Variants in CTNNA3 observed in about 807,000 individuals in gnomAD.
CTNNA3 encodes catenin alpha 3.
Under a neutral mutation model 95.7 loss-of-function variants are expected in CTNNA3, and 76 were observed. The ratio of observed to expected loss-of-function variants is 0.79; its 90% confidence interval spans 0.66 to 0.96. The LOEUF is 0.96. Ranked by LOEUF, CTNNA3 falls within the 40% of genes least tolerant of loss-of-function variation. The probability of loss-of-function intolerance (pLI) is 0.00; values close to 1 mark genes in which losing one functional copy is unlikely to be tolerated. For synonymous variants in CTNNA3, 431 were observed against 374.4 expected, an observed-to-expected ratio of 1.15 and a Z score of -1.74; for missense variants, 1,191 against 1,089.8, an observed-to-expected ratio of 1.09 and a Z score of -1.31.
At chr10:66,191,983 C>A (rs2086696138) in intron 13 of CTNNA3, among the ~76,000 whole-genome samples, 1 of 152,154 alleles carries the variant, frequency 6.6e-6, no homozygotes, top group Admixed American at 6.6e-5. Flanking sequence ...CCCTGGCCAT[C>A]CACTCTGTTG....
At chr10:67,032,433 G>A (rs1853787421) in intron 7 of CTNNA3, among the ~76,000 whole-genome samples, 2 of 152,044 alleles carry the variant, frequency 1.3e-5, no homozygotes, top group Admixed American at 6.6e-5. Flanking sequence ...CAAAGTATGA[G>A]TTTGTTTTAC....
intron 3 of CTNNA3, among the ~76,000 whole-genome samples, chr10:67,567,010 G>A (rs537797231): frequency 1.8e-4 from 23 of 124,762 alleles, no homozygotes; most frequent in African/African-American, 6.4e-4. Flanking sequence ...ATCACACTCT[G>A]GGGACTGTTT....
chr10:66,557,414 T>C (rs1842424599), intron 10 of CTNNA3, among the ~76,000 whole-genome samples: 1 of 152,164 alleles, frequency 6.6e-6, no homozygotes, highest in South Asian at 2.1e-4. Context: ...AACTATTCCA[T>C]ACATGCTCTG....
intron 11 of CTNNA3, among the ~76,000 whole-genome samples, chr10:66,515,301 C>CTATCTATA (rs1006367792): frequency 6.7e-6 from 1 of 148,932 alleles, no homozygotes; most frequent in Non-Finnish European, 1.5e-5. Context: ...ATCTATCTAT[C>CTATCTATA]TATATGGAAA....
At chr10:67,202,955 A>C (rs777303194) in intron 6 of CTNNA3, among the ~76,000 whole-genome samples, 13 of 152,172 alleles carry the variant, frequency 8.5e-5, no homozygotes, top group Non-Finnish European at 1.5e-4. Flanking sequence ...GAAATAATTA[A>C]TTGCTTATTT....
intron 6 of CTNNA3, among the ~76,000 whole-genome samples, chr10:67,192,195 C>T (rs1375477234): frequency 1.3e-5 from 2 of 151,838 alleles, no homozygotes; most frequent in Non-Finnish European, 2.9e-5. Flanking sequence ...TTAGATGACA[C>T]CAAAAGCACA....
chr10:66,490,756 T>C (rs1839895306), intron 11 of CTNNA3, among the ~76,000 whole-genome samples: 1 of 152,170 alleles, frequency 6.6e-6, no homozygotes, highest in Non-Finnish European at 1.5e-5. Flanking sequence ...AGCATGTGTG[T>C]AGTTCGCATC....
chr10:67,606,822 T>C (rs751148647), intron 3 of CTNNA3, 35 bp downstream of exon 3: 9 of 1,508,278 alleles, frequency 6.0e-6, no homozygotes, highest in East Asian at 2.3e-5. Context: ...CCTAAAGATA[T>C]GCAGTTTGCT....
intron 11 of CTNNA3, among the ~76,000 whole-genome samples, chr10:66,427,515 T>G (rs2093253044): frequency 6.6e-6 from 1 of 152,084 alleles, no homozygotes; most frequent in African/African-American, 2.4e-5. Flanking sequence ...AAATGAATTT[T>G]TGCAATGTGT....
chr10:66,437,865 C>G (rs1434665967), intron 11 of CTNNA3, among the ~76,000 whole-genome samples: 1 of 152,082 alleles, frequency 6.6e-6, no homozygotes, highest in Non-Finnish European at 1.5e-5. Flanking sequence ...CGTTGGTGAT[C>G]TTTGGATGGG....
chr10:66,570,820 GA>G (rs1209910118), intron 10 of CTNNA3, among the ~76,000 whole-genome samples: 5 of 151,834 alleles, frequency 3.3e-5, no homozygotes, highest in Non-Finnish European at 5.9e-5. Context: ...AAAGAAAGAA[GA>G]AAAAAACAAT....
At chr10:67,416,015 T>G (rs1293729172) in intron 5 of CTNNA3, among the ~76,000 whole-genome samples, 1 of 152,206 alleles carries the variant, frequency 6.6e-6, no homozygotes, top group Admixed American at 6.5e-5. Flanking sequence ...ATTAAACATT[T>G]AAATGTAAAT....
chr10:67,660,814 C>T (rs1184628360), intron 1 of CTNNA3, among the ~76,000 whole-genome samples: 1 of 151,726 alleles, frequency 6.6e-6, no homozygotes, highest in Non-Finnish European at 1.5e-5. Context: ...GCCTGTAGTC[C>T]CAGCTATTCG....
At chr10:67,191,446 C>A (rs1236551406) in intron 6 of CTNNA3, among the ~76,000 whole-genome samples, 1 of 151,848 alleles carries the variant, frequency 6.6e-6, no homozygotes. Context: ...AGTTGCATTT[C>A]TGTATGCTAA....
At chr10:67,379,927 A>C (rs1482015147) in intron 5 of CTNNA3, among the ~76,000 whole-genome samples, 2 of 148,924 alleles carry the variant, frequency 1.3e-5, no homozygotes, top group Admixed American at 6.7e-5. Flanking sequence ...AGGCTGAGGC[A>C]GGAGAATGGT....
chr10:67,490,402 T>G (rs1848603153), intron 5 of CTNNA3, among the ~76,000 whole-genome samples: 1 of 151,914 alleles, frequency 6.6e-6, no homozygotes, highest in African/African-American at 2.4e-5. Flanking sequence ...ACTCCAAAAA[T>G]AAAAATAAAA....
chr10:67,367,959 T>C (rs10823037), intron 5 of CTNNA3, among the ~76,000 whole-genome samples: 11,791 of 151,980 alleles, frequency 0.078, 720 homozygotes, highest in African/African-American at 0.17. Flanking sequence ...GGGTGATAGG[T>C]TTAATTGTAT....
At chr10:67,575,038 C>T (rs1294321165) in intron 3 of CTNNA3, among the ~76,000 whole-genome samples, 1 of 152,176 alleles carries the variant, frequency 6.6e-6, no homozygotes, top group Non-Finnish European at 1.5e-5. Flanking sequence ...ATACTGAAAT[C>T]ATATCTTCTT....
intron 13 of CTNNA3, among the ~76,000 whole-genome samples, chr10:66,278,652 T>A (rs2091440791): frequency 1.3e-5 from 2 of 149,806 alleles, no homozygotes; most frequent in African/African-American, 4.9e-5. Flanking sequence ...AACATCTAAC[T>A]GGGAGAAGCT....
Sources: gnomAD v4.1 joint callset for allele counts (sites outside exome capture counted in the v4.1 genomes callset) on GRCh38, gnomAD v4.1.1 for gene constraint, MANE v1.5 for transcripts, NCBI Gene and HGNC (gene_info 2026-07-23, HGNC 2026-07-21) for gene names.